Variants in ANKS1A observed in about 807,000 individuals in gnomAD.
The protein encoded by ANKS1A is ankyrin repeat and SAM domain-containing protein 1A.
Under a neutral mutation model 120.3 loss-of-function variants are expected in ANKS1A, and 55 were observed. That is an observed-to-expected ratio of 0.46 (90% CI 0.37 to 0.57). The LOEUF (loss-of-function observed/expected upper bound fraction) is 0.57, where lower values mean the gene tolerates loss of function less well. Among genes scored for constraint, ANKS1A ranks in the 20% least tolerant of loss-of-function variants. The pLI is 0.00. For missense variants in ANKS1A, 1,123 were observed against 1,480.3 expected, an observed-to-expected ratio of 0.76 and a Z score of 3.96; for synonymous variants, 590 against 604.7, an observed-to-expected ratio of 0.98 and a Z score of 0.36.
chr6:34,983,851 G>C (rs1045020224), intron 7 of ANKS1A, among the ~76,000 whole-genome samples: 13 of 150,606 alleles, frequency 8.6e-5, no homozygotes, highest in African/African-American at 3.0e-4. Flanking sequence ...GAGTGCAGTG[G>C]TGTGATCTCG....
intron 1 of ANKS1A, among the ~76,000 whole-genome samples, chr6:34,928,697 G>A (rs1296931999): frequency 2.0e-5 from 3 of 152,196 alleles, no homozygotes; most frequent in Non-Finnish European, 4.4e-5. Context: ...TTTGCCTGGA[G>A]TTGCACATCT....
chr6:34,983,553 C>A, intron 7 of ANKS1A, 128 bp downstream of exon 7: 1 of 812,978 alleles, frequency 1.2e-6, no homozygotes, highest in Non-Finnish European at 2.0e-6. Flanking sequence ...AGTTTATATT[C>A]AGTTCATTTT....
intron 13 of ANKS1A, among the ~76,000 whole-genome samples, chr6:35,067,831 C>T (rs1267173459): frequency 7.3e-5 from 11 of 150,830 alleles, no homozygotes; most frequent in Non-Finnish European, 1.3e-4. Flanking sequence ...ATGTTTCCCC[C>T]TGAGGTGATA....
chr6:34,985,330 C>G (rs757645292), intron 8 of ANKS1A, 52 bp downstream of exon 8: 3 of 1,570,070 alleles, frequency 1.9e-6, no homozygotes, highest in Admixed American at 1.8e-5. Context: ...CTGGCTGGCC[C>G]CTGAGGTGAT....
chr6:34,914,258 A>G (rs1014344573), intron 1 of ANKS1A, among the ~76,000 whole-genome samples: 2 of 152,224 alleles, frequency 1.3e-5, no homozygotes, highest in African/African-American at 4.8e-5. Context: ...ATCAGGAAGC[A>G]TGACATCTAC....
chr6:34,965,498 C>A (rs1010338062), intron 1 of ANKS1A, among the ~76,000 whole-genome samples: 1 of 151,998 alleles, frequency 6.6e-6, no homozygotes, highest in African/African-American at 2.4e-5. Context: ...ACTACAGGTG[C>A]CCGCCACCAT....
At chr6:34,904,650 T>C (rs2127451116) in intron 1 of ANKS1A, among the ~76,000 whole-genome samples, 1 of 152,316 alleles carries the variant, frequency 6.6e-6, no homozygotes, top group East Asian at 1.9e-4. Flanking sequence ...GAGAATTGCT[T>C]GAACCTGGGA....
chr6:34,892,764 A>G lies in ANKS1A; in HGVS notation c.197+3165A>G, dbSNP rs1156239424. 2.0e-5 allele frequency among the ~76,000 whole-genome samples: 3 copies of G among 152,208 alleles called. No homozygotes were observed. In the East Asian group the frequency reaches 5.8e-4, roughly 29 times the overall value. On this transcript the variant is annotated intron_variant, in intron 1 of 23. Coordinates refer to ENST00000360359, the MANE Select transcript of ANKS1A (RefSeq NM_015245.3). ...CATGTCTTTGGAGCACGTCATCTGT[A>G]GTGTACTTTGCTTGCCTAGCTTTCA...
chr6:34,945,885 T>G (rs1287185877), intron 1 of ANKS1A, among the ~76,000 whole-genome samples: 1 of 152,054 alleles, frequency 6.6e-6, no homozygotes, highest in Admixed American at 6.6e-5. Flanking sequence ...CCTTTTAATA[T>G]CTATGGGATC....
At position 35,086,509 on chromosome 6, in the gene ANKS1A, C is replaced by G; in HGVS notation, c.3304-443C>G. The G allele has an allele frequency of 1.9e-6, 1 of 513,742 alleles. No homozygotes were observed. Among genetic ancestry groups the G allele is most frequent in the Non-Finnish European group, 3.4e-6 (1 of 295,094 alleles). 31.8% of individuals were successfully genotyped at this position (513,742 alleles called of 1,614,324 possible). A position where few individuals can be genotyped will look rare whatever the true frequency, so the allele number is the denominator to read the frequency against. On this transcript the variant is annotated intron_variant, in intron 22 of 23. Coordinates refer to ENST00000360359, the MANE Select transcript of ANKS1A (RefSeq NM_015245.3). The surrounding 1 kb of genome is among the most constrained non-coding windows in gnomAD (Gnocchi z 5.1). ...ATGCCCTCTGCCTGTTCTGTGTGTGCTTCAGCCCTCTCTGTTTTTCTGTTG... is the reference window on the plus strand; with the variant it reads ...ATGCCCTCTGCCTGTTCTGTGTGTGGTTCAGCCCTCTCTGTTTTTCTGTTG...
At chr6:35,062,022 A>G (rs820083) in intron 13 of ANKS1A, among the ~76,000 whole-genome samples, 131,731 of 152,270 alleles carry the variant, frequency 0.87, 57,438 homozygotes, top group South Asian at 0.94. Context: ...AAAGAACAGG[A>G]TTCCTACCCC....
intron 10 of ANKS1A, among the ~76,000 whole-genome samples, chr6:34,999,453 T>G (rs1003577165): frequency 6.6e-6 from 1 of 152,184 alleles, no homozygotes; most frequent in African/African-American, 2.4e-5. Context: ...GTTCTTTGTT[T>G]TGTGCGTGTG....
intron 11 of ANKS1A, among the ~76,000 whole-genome samples, chr6:35,020,614 C>A (rs2689089): frequency 0.61 from 93,186 of 152,102 alleles, 31,719 homozygotes; most frequent in Non-Finnish European, 0.74. Flanking sequence ...GGCGATTCTT[C>A]ACAGGATATT....
intron 10 of ANKS1A, among the ~76,000 whole-genome samples, chr6:35,013,836 A>G (rs1262074783): frequency 6.6e-6 from 1 of 152,192 alleles, no homozygotes; most frequent in African/African-American, 2.4e-5. Flanking sequence ...CTTATCTTTG[A>G]TGATCCTTGT....
chr6:35,065,526 A>G (rs1776728804), intron 13 of ANKS1A, among the ~76,000 whole-genome samples: 1 of 152,168 alleles, frequency 6.6e-6, no homozygotes, highest in South Asian at 2.1e-4. Flanking sequence ...CAAACCCCGC[A>G]TTGCGGGCTC....
intron 16 of ANKS1A, 23 bp from the exon 17 acceptor site, chr6:35,080,971 C>T: frequency 6.2e-7 from 1 of 1,606,842 alleles, no homozygotes; most frequent in Non-Finnish European, 8.5e-7. Flanking sequence ...TTGCAAGTTC[C>T]ACCTGGATTT....
At chr6:34,948,820 C>G (rs1278068269) in intron 1 of ANKS1A, among the ~76,000 whole-genome samples, 2 of 152,086 alleles carry the variant, frequency 1.3e-5, no homozygotes, top group Non-Finnish European at 2.9e-5. Flanking sequence ...CTTGGTAGGT[C>G]ACTTCATAAA....
intron 11 of ANKS1A, among the ~76,000 whole-genome samples, chr6:35,019,792 G>A (rs187312151): frequency 2.1e-3 from 316 of 152,132 alleles, no homozygotes; most frequent in South Asian, 5.6e-3. Context: ...GGCCATAGAG[G>A]TCAAGAGAGA....
intron 1 of ANKS1A, among the ~76,000 whole-genome samples, chr6:34,932,854 C>G (rs2127475229): frequency 6.6e-6 from 1 of 152,262 alleles, no homozygotes; most frequent in Admixed American, 6.5e-5. Flanking sequence ...TTTCATTTCT[C>G]TTGGAGTGAA....
Sources: allele counts gnomAD v4.1 joint callset (sites outside exome capture counted in the v4.1 genomes callset), GRCh38; gene constraint gnomAD v4.1.1; non-coding constraint Gnocchi (gnomAD v3.1); transcripts MANE v1.5; gene names NCBI Gene and HGNC (gene_info 2026-07-23, HGNC 2026-07-21).